The following TENM2 variants were observed in gnomAD, a reference collection of about 807,000 sequenced individuals.
The protein encoded by TENM2 is teneurin transmembrane protein 2, also known as teneurin-2.
Under a neutral mutation model 245.2 loss-of-function variants are expected in TENM2, and 52 were observed. That is an observed-to-expected ratio of 0.21 (90% CI 0.17 to 0.27). The LOEUF (loss-of-function observed/expected upper bound fraction) is 0.27, where lower values mean the gene tolerates loss of function less well. TENM2 is among the 10% of genes least tolerant of loss of function. The probability of loss-of-function intolerance (pLI) is 1.00; values close to 1 mark genes in which losing one functional copy is unlikely to be tolerated. For synonymous variants in TENM2, 1,363 were observed against 1,438.9 expected, an observed-to-expected ratio of 0.95 and a Z score of 1.19; for missense variants, 3,046 against 3,666.8, an observed-to-expected ratio of 0.83 and a Z score of 4.37.
chr5:167,543,114 G>A (rs1244276238), intron 2 of TENM2, among the ~76,000 whole-genome samples: 1 of 152,172 alleles, frequency 6.6e-6, no homozygotes, highest in Non-Finnish European at 1.5e-5. Flanking sequence ...TCTGCTCTAA[G>A]CTGGCTTCCA....
At chr5:167,314,724 A>G (rs1396929395) in intron 1 of TENM2, among the ~76,000 whole-genome samples, 1 of 152,108 alleles carries the variant, frequency 6.6e-6, no homozygotes, top group Admixed American at 6.5e-5. Flanking sequence ...AAGTAATATT[A>G]AAGCAATAAT....
chr5:167,738,327 C>T (rs1048466695), intron 2 of TENM2, among the ~76,000 whole-genome samples: 28 of 152,296 alleles, frequency 1.8e-4, no homozygotes, highest in African/African-American at 5.5e-4. Flanking sequence ...GGTGTTAGAT[C>T]AGCTTTCTCA....
chr5:167,524,949 G>T (rs1259792707), intron 2 of TENM2, among the ~76,000 whole-genome samples: 1 of 151,818 alleles, frequency 6.6e-6, no homozygotes, highest in Non-Finnish European at 1.5e-5. Context: ...ATCTGAAGTG[G>T]TGCCCACGGT....
the TENM2 span, among the ~76,000 whole-genome samples, chr5:167,076,210 A>C: frequency 6.6e-6 from 1 of 152,194 alleles, no homozygotes; most frequent in Non-Finnish European, 1.5e-5. Context: ...CACTAGGTAT[A>C]AATGTAGATT....
At chr5:168,073,249 G>A (rs1581222256) in intron 7 of TENM2, among the ~76,000 whole-genome samples, 2 of 152,184 alleles carry the variant, frequency 1.3e-5, no homozygotes, top group Admixed American at 1.3e-4. Context: ...TTACTAGAGG[G>A]TTGGATACAG....
chr5:168,152,779 G>T (rs908564722), intron 12 of TENM2, among the ~76,000 whole-genome samples: 1 of 152,150 alleles, frequency 6.6e-6, no homozygotes, highest in Non-Finnish European at 1.5e-5. Context: ...TCTACTCGCT[G>T]GGTACCCTAG....
At chr5:167,783,329 G>A (rs1158497999) in intron 2 of TENM2, among the ~76,000 whole-genome samples, 1 of 152,062 alleles carries the variant, frequency 6.6e-6, no homozygotes, top group African/African-American at 2.4e-5. Context: ...GGCCAGGCCT[G>A]GGCAGTGAGG....
intron 3 of TENM2, among the ~76,000 whole-genome samples, chr5:167,915,015 T>G (rs889443960): frequency 1.8e-4 from 27 of 152,310 alleles, no homozygotes; most frequent in Non-Finnish European, 3.8e-4. Flanking sequence ...CATATCTTTG[T>G]GGTGGGGAGA....
the TENM2 span, among the ~76,000 whole-genome samples, chr5:167,240,429 C>T: frequency 6.6e-6 from 1 of 152,002 alleles, no homozygotes; most frequent in Admixed American, 6.6e-5. Context: ...TCCACTCATT[C>T]TGCCGATCTT....
At chr5:167,401,199 G>A (rs1037814344) in intron 2 of TENM2, among the ~76,000 whole-genome samples, 7 of 152,132 alleles carry the variant, frequency 4.6e-5, no homozygotes, top group African/African-American at 1.4e-4. Flanking sequence ...TGCATTTTCT[G>A]TACTAATGCC....
chr5:167,929,286 TCAG>T (rs1269167872), intron 3 of TENM2, among the ~76,000 whole-genome samples: 1 of 151,728 alleles, frequency 6.6e-6, no homozygotes, highest in Non-Finnish European at 1.5e-5. Context: ...AGGGTGAAGA[TCAG>T]GATGATTCCT....
rs1337279094 is a variant in TENM2, at chr5:167,567,046, TTATAATA to T, written c.502+191574_502+191580del. On this transcript the variant is annotated intron_variant, in intron 2 of 28. Coordinates refer to ENST00000518659, the Ensembl canonical transcript of TENM2. Reference sequence around the variant, plus strand: ...ATTGGCTAAATAAGATCTGATATAATTATAATAAGCCAATAAACTAATTTCAGAAAAC... The same window carrying T: ...ATTGGCTAAATAAGATCTGATATAATAGCCAATAAACTAATTTCAGAAAAC... 5.7e-5 allele frequency among the ~76,000 whole-genome samples: 6 copies of T among 105,426 alleles called. No homozygotes were observed. In the South Asian group the frequency reaches 1.5e-3, roughly 27 times the overall value. The allele number at this position is 105,426 out of a possible 152,430, so 69.2% of individuals were successfully genotyped here.
intron 5 of TENM2, among the ~76,000 whole-genome samples, chr5:168,045,264 T>A (rs543779570): frequency 1.3e-5 from 2 of 152,116 alleles, no homozygotes; most frequent in South Asian, 4.2e-4. Flanking sequence ...AGGATACTTT[T>A]AAAAAATAAA....
intron 3 of TENM2, among the ~76,000 whole-genome samples, chr5:167,881,263 G>T (rs1773853730): frequency 6.6e-6 from 1 of 152,142 alleles, no homozygotes; most frequent in Admixed American, 6.5e-5. Flanking sequence ...ATTGATGATT[G>T]TACAGTGCTG....
At chr5:167,556,131 A>C (rs1000123743) in intron 2 of TENM2, among the ~76,000 whole-genome samples, 1 of 152,164 alleles carries the variant, frequency 6.6e-6, no homozygotes, top group Non-Finnish European at 1.5e-5. Flanking sequence ...TTTCCAGCTC[A>C]GTTGAGTTAC....
At chr5:167,101,268 A>G in the TENM2 span, among the ~76,000 whole-genome samples, 221 of 152,326 alleles carry the variant, frequency 1.5e-3, no homozygotes, top group African/African-American at 5.2e-3. Context: ...CCTGTCCTCA[A>G]GAAGCCTCTA....
intron 13 of TENM2, among the ~76,000 whole-genome samples, chr5:168,176,900 A>G (rs1562248609): frequency 6.6e-6 from 1 of 152,240 alleles, no homozygotes; most frequent in East Asian, 1.9e-4. Flanking sequence ...CAGTGCAAAG[A>G]AAATCCAGAT....
intron 2 of TENM2, among the ~76,000 whole-genome samples, chr5:167,414,922 A>G (rs1763087722): frequency 6.6e-6 from 1 of 152,268 alleles, no homozygotes; most frequent in South Asian, 2.1e-4. Flanking sequence ...TGCTTGGGAA[A>G]TATCACCTTG....
At chr5:167,300,783 G>C (rs1755263328) in intron 1 of TENM2, among the ~76,000 whole-genome samples, 1 of 152,094 alleles carries the variant, frequency 6.6e-6, no homozygotes, top group African/African-American at 2.4e-5. Flanking sequence ...GCTTTGAACT[G>C]AGGGAAAAGG....
Sources: gnomAD v4.1 joint callset for allele counts (sites outside exome capture counted in the v4.1 genomes callset) on GRCh38, gnomAD v4.1.1 for gene constraint, MANE v1.5 for transcripts, NCBI Gene and HGNC (gene_info 2026-07-23, HGNC 2026-07-21) for gene names.